The following PCDH15 variants were observed in gnomAD, a reference collection of about 807,000 sequenced individuals.
PCDH15 encodes protocadherin related 15, also known as protocadherin-15.
PCDH15 carries 129 observed loss-of-function variants against 178.5 expected under a neutral mutation model. That is an observed-to-expected ratio of 0.72 (90% CI 0.63 to 0.84). The LOEUF (loss-of-function observed/expected upper bound fraction) is 0.84. PCDH15 is among the 40% of genes least tolerant of loss of function. PCDH15 has a pLI of 0.00. For missense variants in PCDH15, 2,230 were observed against 2,099.9 expected, an observed-to-expected ratio of 1.06 and a Z score of -1.21; for synonymous variants, 800 against 732.0, an observed-to-expected ratio of 1.09 and a Z score of -1.50.
At chr10:54,092,499 G>T (rs539983795) in intron 15 of PCDH15, among the ~76,000 whole-genome samples, 1 of 151,830 alleles carries the variant, frequency 6.6e-6, no homozygotes, top group African/African-American at 2.4e-5. Flanking sequence ...AAAAGTAAAT[G>T]AAGAAGAAAG....
intron 2 of PCDH15, among the ~76,000 whole-genome samples, chr10:54,546,405 A>G (rs1028798764): frequency 3.3e-5 from 5 of 152,186 alleles, no homozygotes; most frequent in Admixed American, 3.3e-4. Flanking sequence ...TCTTTTTAAT[A>G]TTAAAGACTA....
intron 11 of PCDH15, among the ~76,000 whole-genome samples, chr10:54,188,555 T>C (rs1251231965): frequency 6.6e-6 from 1 of 151,942 alleles, no homozygotes; most frequent in East Asian, 1.9e-4. Context: ...AAGTATGATA[T>C]ATTAATTCAC....
intron 3 of PCDH15, among the ~76,000 whole-genome samples, chr10:54,476,659 T>G (rs541283211): frequency 6.6e-6 from 1 of 152,276 alleles, no homozygotes; most frequent in South Asian, 2.1e-4. Context: ...GACAGAATTG[T>G]TTGTTCATAA....
In PCDH15 at chr10:54,346,367, G is replaced by C; in HGVS notation, c.592C>G (p.Pro198Ala). The C allele has an allele frequency of 8.1e-6, 13 of 1,612,686 alleles. No homozygotes were observed. Among genetic ancestry groups the C allele is most frequent in the Non-Finnish European group, 1.1e-5 (13 of 1,179,008 alleles). ...EYVIQYNPDD[P>A]TSNDTFEIPL... is the part of the protein sequence containing the mutation. Reference sequence around the variant, plus strand: ...ATTGCAAATAGGTATTTACATACCGGATCATCTGGATTATACTGAATAACA... The same window carrying C: ...ATTGCAAATAGGTATTTACATACCGCATCATCTGGATTATACTGAATAACA... Residue 198 changes from proline to alanine, a missense_variant and splice_region_variant, in exon 6 of 38, where the codon CCG becomes GCG. Pro to Ala is a conservative substitution (Grantham distance 27). Transcript: ENST00000644397.
intron 1 of PCDH15, among the ~76,000 whole-genome samples, chr10:55,215,457 AT>A (rs1195598699): frequency 6.6e-6 from 1 of 152,062 alleles, no homozygotes; most frequent in African/African-American, 2.4e-5. Flanking sequence ...TACATAAATT[AT>A]TTTACAATCC....
chr10:55,359,747 TACACACACACAC>T (rs57691062), intron 2 of PCDH15, among the ~76,000 whole-genome samples: 1 of 81,662 alleles, frequency 1.2e-5, no homozygotes, highest in Non-Finnish European at 3.0e-5. Flanking sequence ...TATATATATA[TACACACACACAC>T]ACACACACAC....
chr10:53,810,599 C>G lies in PCDH15; in HGVS notation c.4628G>C (p.Gly1543Ala), dbSNP rs2075828983. ...LLPPAGQEEY[G>A]EVVGEAEEEY... ...TTCCTCAGCTTCACCAACCACCTCA[C>G]CATATTCCTCCTGTCCAGCTGGTGG... Residue 1543 changes from glycine (G) to alanine (A), a missense_variant, in exon 37 of 38, where the codon GGT becomes GCT. Physicochemically the swap from Gly to Ala is moderately conservative, Grantham distance 60. Coordinates refer to ENST00000644397, the MANE Select transcript of PCDH15 (RefSeq NM_001384140.1). 6.2e-7 allele frequency: 1 copy of G among 1,613,740 alleles called. No homozygotes were observed. The highest frequency in any genetic ancestry group is 1.3e-5 in the African/African-American group (1 of 74,916).
At chr10:54,599,931 G>T in intron 2 of PCDH15, 1 of 854,912 alleles carries the variant, frequency 1.2e-6, no homozygotes, top group Non-Finnish European at 1.9e-6. Context: ...TGGCCACTAA[G>T]GAGGAGTTGG....
intron 1 of PCDH15, among the ~76,000 whole-genome samples, chr10:54,688,043 A>G (rs2095046925): frequency 6.6e-6 from 1 of 152,080 alleles, no homozygotes; most frequent in Non-Finnish European, 1.5e-5. Flanking sequence ...TCTAACCACA[A>G]TAAAATAAAA....
chr10:54,998,364 T>C (rs1160268184), intron 2 of PCDH15, among the ~76,000 whole-genome samples: 2 of 152,038 alleles, frequency 1.3e-5, no homozygotes, highest in African/African-American at 4.8e-5. Flanking sequence ...ATTGTGCACA[T>C]GTATCCTGAA....
rs554181501 is a variant in PCDH15, at chr10:54,159,203, C to T, written c.1591-5910G>A. 2.0e-5 allele frequency among the ~76,000 whole-genome samples: 3 copies of T among 151,982 alleles called. No individual in the cohort carries two copies. The South Asian group carries it at 6.2e-4, about 32-fold the overall frequency. ...GCCTCTTGGGCATCCTTGGCTCTTG[C>T]TTCCAGTAAAAGTCCCTTATTTTCC... On this transcript the variant is annotated intron_variant, in intron 13 of 37. Transcript: ENST00000644397.
chr10:53,930,016 T>A (rs1227851223), intron 25 of PCDH15, among the ~76,000 whole-genome samples: 1 of 152,198 alleles, frequency 6.6e-6, no homozygotes, highest in Non-Finnish European at 1.5e-5. Flanking sequence ...CTTCTATAGA[T>A]GTTCTGGGTA....
intron 5 of PCDH15, 78 bp from the exon 6 acceptor site, chr10:54,346,562 G>C: frequency 6.5e-7 from 1 of 1,543,768 alleles, no homozygotes; most frequent in South Asian, 1.1e-5. Flanking sequence ...ATAAAAATCA[G>C]CTCTTTATTA....
At chr10:55,424,144 T>A (rs756312220) in intron 2 of PCDH15, among the ~76,000 whole-genome samples, 1 of 152,122 alleles carries the variant, frequency 6.6e-6, no homozygotes, top group Non-Finnish European at 1.5e-5. Flanking sequence ...AGTTATTCCT[T>A]CTCCAAAAAG....
chr10:54,670,163 A>T (rs935311789), intron 1 of PCDH15, among the ~76,000 whole-genome samples: 1 of 152,224 alleles, frequency 6.6e-6, no homozygotes, highest in Non-Finnish European at 1.5e-5. Context: ...AATCATTTTT[A>T]AAATTAAGAA....
At chr10:53,933,400 A>G (rs1409724728) in intron 25 of PCDH15, among the ~76,000 whole-genome samples, 4 of 139,306 alleles carry the variant, frequency 2.9e-5, no homozygotes, top group Non-Finnish European at 4.6e-5. Flanking sequence ...TTCAATTCCC[A>G]CCTATGAGTG....
At chr10:54,519,986 G>T (rs2082672909) in intron 3 of PCDH15, among the ~76,000 whole-genome samples, 1 of 152,164 alleles carries the variant, frequency 6.6e-6, no homozygotes, top group Non-Finnish European at 1.5e-5. Flanking sequence ...TTAATAAATG[G>T]TGCTGGTACA....
chr10:55,274,022 GCAGA>G (rs779939158), intron 1 of PCDH15, among the ~76,000 whole-genome samples: 4 of 152,022 alleles, frequency 2.6e-5, no homozygotes, highest in African/African-American at 9.7e-5. Context: ...GTGTGCATAT[GCAGA>G]CAGTCTTTCT....
At chr10:54,498,950 C>T (rs1221780402) in intron 3 of PCDH15, among the ~76,000 whole-genome samples, 1 of 151,988 alleles carries the variant, frequency 6.6e-6, no homozygotes, top group Non-Finnish European at 1.5e-5. Context: ...GGGGTAAGTA[C>T]TACACACTTT....
Sources: gnomAD v4.1 joint callset for allele counts (sites outside exome capture counted in the v4.1 genomes callset) on GRCh38, gnomAD v4.1.1 for gene constraint, MANE v1.5 for transcripts, NCBI Gene and HGNC (gene_info 2026-07-23, HGNC 2026-07-21) for gene names.